The following SPAG16 variants were observed in gnomAD, a reference collection of about 807,000 sequenced individuals.
SPAG16 encodes sperm associated antigen 16, also known as sperm-associated antigen 16 protein.
A neutral mutation model predicts 80.4 loss-of-function variants in SPAG16; 86 were observed. The ratio of observed to expected loss-of-function variants is 1.07; its 90% CI spans 0.90 to 1.28. The LOEUF is 1.28. Ranked by LOEUF, SPAG16 falls within the 50% of genes most tolerant of loss-of-function variation. The pLI is 0.00. For missense variants in SPAG16, 870 were observed against 765.3 expected (o/e 1.14, Z -1.61); for synonymous variants, 294 against 265.9 (o/e 1.11, Z -1.03).
intron 13 of SPAG16, among the ~76,000 whole-genome samples, chr2:214,079,477 A>G (rs1433640731): frequency 6.6e-6 from 1 of 152,250 alleles, no homozygotes; most frequent in Non-Finnish European, 1.5e-5. Flanking sequence ...TTTCTTATTT[A>G]TAGCAATTCT....
At chr2:214,395,848 C>T (rs1701335469) in intron 15 of SPAG16, among the ~76,000 whole-genome samples, 1 of 152,130 alleles carries the variant, frequency 6.6e-6, no homozygotes, top group Non-Finnish European at 1.5e-5. Flanking sequence ...CATGTTGCTG[C>T]AAAGACATAA....
At chr2:214,200,300 A>T (rs2057973705) in intron 15 of SPAG16, among the ~76,000 whole-genome samples, 1 of 152,108 alleles carries the variant, frequency 6.6e-6, no homozygotes, top group African/African-American at 2.4e-5. Flanking sequence ...TCATAAAGGG[A>T]TGCTAGATTC....
chr2:213,881,361 C>G (rs990941572), intron 11 of SPAG16, among the ~76,000 whole-genome samples: 4 of 152,074 alleles, frequency 2.6e-5, no homozygotes, highest in South Asian at 2.1e-4. Flanking sequence ...GTTCTAGCAG[C>G]CTTTTGACAG....
intron 9 of SPAG16, among the ~76,000 whole-genome samples, chr2:213,407,776 GAGAC>G (rs1431939439): frequency 1.5e-4 from 22 of 144,812 alleles, no homozygotes; most frequent in East Asian, 1.3e-3. Flanking sequence ...GAGGCAGAGA[GAGAC>G]AGAGAGGAAG....
chr2:214,012,282 A>ATTTTTTTTTTTTTTTTTTT (rs1286363943), intron 12 of SPAG16, among the ~76,000 whole-genome samples: 1 of 50,714 alleles, frequency 2.0e-5, no homozygotes, highest in Non-Finnish European at 3.2e-5. Context: ...ATATATATAT[A>ATTTTTTTTTTTTTTTTTTT]TATATATTTT....
At chr2:213,785,986 G>A (rs1339546618) in intron 10 of SPAG16, among the ~76,000 whole-genome samples, 6 of 150,460 alleles carry the variant, frequency 4.0e-5, no homozygotes, top group African/African-American at 4.9e-5. Context: ...CAGCCTCGGC[G>A]ACAAGAGCAA....
At chr2:213,475,310 C>A (rs1307404549) in intron 9 of SPAG16, among the ~76,000 whole-genome samples, 1 of 152,108 alleles carries the variant, frequency 6.6e-6, no homozygotes, top group African/African-American at 2.4e-5. Flanking sequence ...AAGGCATTTT[C>A]TATAGGGGCA....
chr2:213,419,006 C>T (rs933874947), intron 9 of SPAG16, among the ~76,000 whole-genome samples: 2 of 116,304 alleles, frequency 1.7e-5, no homozygotes, highest in African/African-American at 5.4e-5. Flanking sequence ...AAGCCTGTTT[C>T]CTAATGCTGC....
At chr2:214,086,296 G>T (rs2051744614) in intron 13 of SPAG16, among the ~76,000 whole-genome samples, 1 of 152,144 alleles carries the variant, frequency 6.6e-6, no homozygotes, top group Admixed American at 6.5e-5. Context: ...CATAGTTCAA[G>T]ATAACTATAT....
At chr2:213,341,946 T>C (rs761083453) in intron 6 of SPAG16, among the ~76,000 whole-genome samples, 1 of 152,186 alleles carries the variant, frequency 6.6e-6, no homozygotes, top group East Asian at 1.9e-4. Flanking sequence ...GAAGTACTTA[T>C]GGACTTTATA....
intron 12 of SPAG16, among the ~76,000 whole-genome samples, chr2:214,010,413 C>G (rs1301962050): frequency 6.8e-6 from 1 of 146,638 alleles, no homozygotes. Flanking sequence ...GGGGAAGAAA[C>G]TTTCCTGGAA....
chr2:213,702,947 G>A (rs573227600), intron 10 of SPAG16, among the ~76,000 whole-genome samples: 2 of 152,238 alleles, frequency 1.3e-5, no homozygotes, highest in East Asian at 1.9e-4. Context: ...GTTCATCCAC[G>A]CGCTCTACCC....
chr2:213,768,522 G>A (rs1559453265), intron 10 of SPAG16, among the ~76,000 whole-genome samples: 2 of 152,124 alleles, frequency 1.3e-5, no homozygotes, highest in African/African-American at 2.4e-5. Flanking sequence ...TAATATTTAC[G>A]AGGACAGGTG....
intron 10 of SPAG16, among the ~76,000 whole-genome samples, chr2:213,837,489 A>G (rs1174045227): frequency 6.6e-6 from 1 of 152,244 alleles, no homozygotes; most frequent in Non-Finnish European, 1.5e-5. Context: ...AGAATATTTT[A>G]TACAATTTTA....
Position 214,149,208 on chromosome 2 carries a change from A to G in SPAG16, c.1662A>G (p.Pro554=). The G allele has an allele frequency of 6.3e-7, 1 of 1,599,932 alleles. No individual in the cohort carries two copies. The highest frequency in any genetic ancestry group is 8.5e-7 in the Non-Finnish European group (1 of 1,172,862). The change falls in exon 15 of 16, where the codon CCA becomes CCG. Residue 554 remains proline, a synonymous_variant. Transcript: ENST00000331683. ...TKLWDFRKLL[P]IVSIDIGPSP... is the part of the protein sequence containing the mutation. ...TGTGGGACTTTCGGAAGCTGTTACC[A>G]ATTGTGTCCATCGATATAGGTCCAA...
At chr2:213,527,431 G>A (rs947546080) in intron 10 of SPAG16, among the ~76,000 whole-genome samples, 4 of 152,020 alleles carry the variant, frequency 2.6e-5, no homozygotes, top group African/African-American at 9.7e-5. Context: ...TGGGATTTTT[G>A]TTTATTCCTT....
chr2:213,672,821 T>C (rs746519827), intron 10 of SPAG16, among the ~76,000 whole-genome samples: 2 of 151,236 alleles, frequency 1.3e-5, no homozygotes, highest in Non-Finnish European at 2.9e-5. Flanking sequence ...TTTTCATCAA[T>C]GATCAGTTTT....
intron 9 of SPAG16, among the ~76,000 whole-genome samples, chr2:213,389,164 G>C (rs1362261534): frequency 6.6e-6 from 1 of 152,018 alleles, no homozygotes; most frequent in Non-Finnish European, 1.5e-5. Context: ...CAATCAATGG[G>C]GAAAGACAGT....
chr2:214,002,311 C>G (rs910635728), intron 12 of SPAG16, among the ~76,000 whole-genome samples: 1 of 152,040 alleles, frequency 6.6e-6, no homozygotes, highest in African/African-American at 2.4e-5. Flanking sequence ...TCTTCTGAGT[C>G]TCAGTATCAA....
Sources: gnomAD v4.1 joint callset for allele counts (sites outside exome capture counted in the v4.1 genomes callset) on GRCh38, gnomAD v4.1.1 for gene constraint, MANE v1.5 for transcripts, NCBI Gene and HGNC (gene_info 2026-07-23, HGNC 2026-07-21) for gene names.